The following PISD variants were observed in gnomAD, a reference collection of about 807,000 sequenced individuals.
The protein encoded by PISD is phosphatidylserine decarboxylase, also known as phosphatidylserine decarboxylase proenzyme, mitochondrial.
PISD carries 31 observed loss-of-function variants against 43.5 expected under a neutral mutation model. That is an observed-to-expected ratio of 0.71 (90% CI 0.54 to 0.96). PISD has a LOEUF of 0.96. Among genes scored for constraint, PISD ranks in the 40% least tolerant of loss-of-function variants. PISD has a pLI of 0.00. For missense variants in PISD, 523 were observed against 548.4 expected, an observed-to-expected ratio of 0.95 and a Z score of 0.46; for synonymous variants, 259 against 228.7, an observed-to-expected ratio of 1.13 and a Z score of -1.20.
intron 1 of PISD, among the ~76,000 whole-genome samples, chr22:31,655,695 C>T (rs368388859): frequency 2.3e-4 from 35 of 151,824 alleles, no homozygotes; most frequent in East Asian, 1.4e-3. Context: ...AGTTCAGTGG[C>T]GTGATCTCAA....
At chr22:31,622,262 G>A (rs2072627173) in intron 3 of PISD, among the ~76,000 whole-genome samples, 1 of 152,374 alleles carries the variant, frequency 6.6e-6, no homozygotes, top group Non-Finnish European at 1.5e-5. Flanking sequence ...ATATCACAGT[G>A]TGTGGAGAGG....
At chr22:31,640,072 A>G (rs1425222104) in intron 3 of PISD, among the ~76,000 whole-genome samples, 1 of 152,132 alleles carries the variant, frequency 6.6e-6, no homozygotes, top group Non-Finnish European at 1.5e-5. Flanking sequence ...GCACTCTGGA[A>G]GCCAAAAAGC....
chr22:31,640,886 T>TTTTTTTTTTTTG (rs2073695422), intron 3 of PISD, among the ~76,000 whole-genome samples: 3 of 69,492 alleles, frequency 4.3e-5, no homozygotes, highest in Admixed American at 3.2e-4. Flanking sequence ...CGGTGTTTTT[T>TTTTTTTTTTTTG]TTTTTTTTTT....
At chr22:31,661,763 ACACT>A (rs139188977) in intron 1 of PISD, among the ~76,000 whole-genome samples, 1,772 of 152,268 alleles carry the variant, frequency 0.012, 38 homozygotes, top group African/African-American at 0.04. Context: ...AAGTTGCCTG[ACACT>A]CAATCTAGTG....
At chr22:31,647,888 C>A (rs934884169) in intron 3 of PISD, among the ~76,000 whole-genome samples, 1 of 152,162 alleles carries the variant, frequency 6.6e-6, no homozygotes, top group African/African-American at 2.4e-5. Flanking sequence ...TACTCAGAAC[C>A]CTTGGGGAGA....
chr22:31,621,714 G>T lies in PISD; in HGVS notation c.493C>A (p.Leu165Ile), dbSNP rs775601179. 1 of 1,614,146 alleles carries T rather than the reference G, an allele frequency of 6.2e-7. No individual in the cohort carries two copies. Among genetic ancestry groups the T allele is most frequent in the Non-Finnish European group, 8.5e-7 (1 of 1,180,040 alleles). The part of the protein sequence containing the change: ...AVEDLHHYRN[L>I]SEFFRRKLKP... ...AGCTTGCGCCGGAAGAACTCGCTGA[G>T]GTTGCGGTAGTGATGCAGGTCCTCC... is the stretch of plus-strand genomic sequence containing the variant. The change falls in exon 4 of 8, where the codon CTC (leucine) becomes ATC (isoleucine). Residue 165 changes from leucine (L) to isoleucine (I), a missense_variant. By Grantham distance (5) the Leu-to-Ile change is conservative. Transcript: ENST00000439502.
intron 3 of PISD, among the ~76,000 whole-genome samples, chr22:31,637,158 AAAAAAAAT>A (rs1322648561): frequency 6.5e-4 from 22 of 34,068 alleles, no homozygotes; most frequent in East Asian, 3.0e-3. Flanking sequence ...AAAAAAAAAA[AAAAAAAAT>A]ATATATATAT....
intron 3 of PISD, among the ~76,000 whole-genome samples, chr22:31,631,160 G>A (rs1459946766): frequency 2.0e-5 from 3 of 152,184 alleles, no homozygotes; most frequent in African/African-American, 7.2e-5. Flanking sequence ...CTGTCCGCTG[G>A]TCTGTGAGCC....
At position 31,619,759 on chromosome 22, in the gene PISD, C is replaced by T. The variant is rs777410422; in HGVS notation, c.1083G>A (p.Glu361=). Reference sequence around the variant, plus strand: ...GCTCGCCCTTACGCATGGGGACGCCCTCTCTATTGGTGTGCGTCACGAAGC... The same window carrying T: ...GCTCGCCCTTACGCATGGGGACGCCTTCTCTATTGGTGTGCGTCACGAAGC... ...DFSFVTHTNR[E]GVPMRKGEHL... is the part of the protein sequence containing the mutation. Residue 361 remains glutamate (E), a synonymous_variant, in exon 8 of 8, where the codon GAG becomes GAA. Transcript: ENST00000439502. 9 of 1,614,084 alleles carry T rather than the reference C, an allele frequency of 5.6e-6. No homozygotes were observed. The highest frequency in any genetic ancestry group is 3.3e-5 in the Admixed American group (2 of 60,006).
At position 31,630,775 on chromosome 22, in the gene PISD, G is replaced by A; in HGVS notation, c.322-8890C>T. 1.0e-6 allele frequency: 1 copy of A among 985,656 alleles called. No individual in the cohort carries two copies. Among genetic ancestry groups the A allele is most frequent in the Non-Finnish European group, 1.2e-6 (1 of 830,122 alleles). The allele number at this position is 985,656 out of a possible 1,614,324, so 61.1% of individuals were successfully genotyped here. ...GAGAAGTCACCTGGGGCTCCCGGCAGGGCCGGGGCGCCGGCTCCGCTCACT... is the reference window on the plus strand; with the variant it reads ...GAGAAGTCACCTGGGGCTCCCGGCAAGGCCGGGGCGCCGGCTCCGCTCACT... On this transcript the variant is annotated intron_variant, in intron 3 of 7. Coordinates refer to ENST00000439502, the MANE Select transcript of PISD (RefSeq NM_001326411.2). This position sits in a 1 kb window ranked among gnomAD's most constrained non-coding sequence, Gnocchi z 4.4.
In PISD at chr22:31,630,321, G is replaced by A. The variant is rs560680170; in HGVS notation, c.322-8436C>T. ...GGCAAAGGCAGTAAGCCGGCCACCC[G>A]CTCCCTGGCCCTCGGGCGCCGCCCT... On this transcript the variant is annotated intron_variant, in intron 3 of 7. Transcript: ENST00000439502. This position sits in a 1 kb window ranked among gnomAD's most constrained non-coding sequence, Gnocchi z 4.4. Among the ~76,000 whole-genome samples, 3 of 152,224 alleles carry A rather than the reference G, an allele frequency of 2.0e-5. No individual in the cohort carries two copies. In the East Asian group the frequency reaches 5.8e-4, roughly 30 times the overall value.
intron 3 of PISD, among the ~76,000 whole-genome samples, chr22:31,634,834 C>CA (rs33999998): frequency 0.64 from 51,938 of 80,888 alleles, 17,272 homozygotes; most frequent in Middle Eastern, 0.74. Context: ...GACTCCATCT[C>CA]AAAAAAAAAA....
chr22:31,640,738 G>A lies in PISD; in HGVS notation c.321+7363C>T, dbSNP rs189206001. On this transcript the variant is annotated intron_variant, in intron 3 of 7. Coordinates refer to ENST00000439502, the MANE Select transcript of PISD (RefSeq NM_001326411.2). ...AGGGATTACAGGTGCCTGCCGCCAC[G>A]CCTGGCTAATTTTTGTATTTTTAGT... Among the ~76,000 whole-genome samples, 71 of 144,270 alleles carry A rather than the reference G, an allele frequency of 4.9e-4. 1 individual carries two copies. In the South Asian group the frequency reaches 5.5e-3, roughly 11 times the overall value. The allele number at this position is 144,270 out of a possible 152,430, so 94.6% of individuals were successfully genotyped here.
chr22:31,648,362 G>A, intron 2 of PISD, 86 bp from the exon 3 acceptor site: 2 of 1,227,544 alleles, frequency 1.6e-6, no homozygotes, highest in South Asian at 2.9e-5. Flanking sequence ...GGAGGGTCAG[G>A]AAAAGTCAGC....
chr22:31,623,693 G>C (rs765802509), intron 3 of PISD: 1 of 1,613,518 alleles, frequency 6.2e-7, no homozygotes, highest in South Asian at 1.1e-5. Context: ...CCCTGCTTAC[G>C]GGCCTCCATC....
intron 3 of PISD, among the ~76,000 whole-genome samples, chr22:31,626,835 G>C (rs1247803215): frequency 1.3e-5 from 2 of 152,184 alleles, no homozygotes; most frequent in African/African-American, 4.8e-5. Context: ...TCCAGGATAT[G>C]GGCTGACAGG....
Position 31,630,278 on chromosome 22 carries a change from T to G in PISD, c.322-8393A>C, listed in dbSNP as rs1299882393. On this transcript the variant is annotated intron_variant, in intron 3 of 7. Coordinates refer to ENST00000439502, the MANE Select transcript of PISD (RefSeq NM_001326411.2). The surrounding 1 kb of genome is among the most constrained non-coding windows in gnomAD (Gnocchi z 4.4). ...CCTCCTCTCAGACAACTCTGGGTGC[T>G]GAGGGGAACCGGCTCTGGGCAAAGG... Among the ~76,000 whole-genome samples, 1 of 152,100 alleles carries G rather than the reference T, an allele frequency of 6.6e-6. No individual in the cohort carries two copies. Among genetic ancestry groups the G allele is most frequent in the Non-Finnish European group, 1.5e-5 (1 of 67,996 alleles).
intron 3 of PISD, among the ~76,000 whole-genome samples, chr22:31,644,345 T>G (rs2073822617): frequency 6.6e-6 from 1 of 151,574 alleles, no homozygotes; most frequent in Non-Finnish European, 1.5e-5. Flanking sequence ...GTTCACGCCA[T>G]TCTCCTGCCT....
chr22:31,625,906 T>G (rs1439686342), intron 3 of PISD: 2 of 1,540,142 alleles, frequency 1.3e-6, no homozygotes, highest in Non-Finnish European at 8.8e-7. Flanking sequence ...GCAGATCTCC[T>G]GTGCTGTCAC....
Sources: allele counts gnomAD v4.1 joint callset (sites outside exome capture counted in the v4.1 genomes callset), GRCh38; gene constraint gnomAD v4.1.1; non-coding constraint Gnocchi (gnomAD v3.1); transcripts MANE v1.5; gene names NCBI Gene and HGNC (gene_info 2026-07-23, HGNC 2026-07-21).